Variants in SLCO4C1 observed in about 807,000 individuals in gnomAD.
SLCO4C1 encodes solute carrier organic anion transporter family member 4C1, also known as organic anion transporter M1.
SLCO4C1 carries 58 observed loss-of-function variants against 72.1 expected under a neutral mutation model. That is an observed-to-expected ratio of 0.80 (90% CI 0.65 to 1.00). SLCO4C1 has a LOEUF of 1.00. Among genes scored for constraint, SLCO4C1 ranks in the 50% least tolerant of loss-of-function variants. The pLI, the probability that SLCO4C1 is intolerant of heterozygous loss-of-function variation, is 0.00. For synonymous variants in SLCO4C1, 297 were observed against 312.5 expected (o/e 0.95, Z 0.52); for missense variants, 898 against 857.9 (o/e 1.05, Z -0.58).
chr5:102,296,090 G>A lies in SLCO4C1; in HGVS notation c.173C>T (p.Ser58Leu). 1.2e-6 allele frequency: 2 copies of A among 1,614,204 alleles called. No individual in the cohort carries two copies. The highest frequency in any genetic ancestry group is 1.7e-6 in the Non-Finnish European group (2 of 1,180,012). Reference protein sequence around the residue: ...ELQKPQEPQKSPEPSLPSAPP... With the variant: ...ELQKPQEPQKLPEPSLPSAPP... The stretch of plus-strand genomic sequence containing the variant: ...GGCTGAAGGCAGAGATGGCTCTGGT[G>A]ACTTCTGGGGCTCCTGGGGCTTCTG... Residue 58 changes from serine to leucine, a missense_variant, in exon 1 of 13, where the codon TCA (serine) becomes TTA (leucine). By Grantham distance (145) the Ser-to-Leu change is moderately radical. Transcript: ENST00000310954.
intron 8 of SLCO4C1, among the ~76,000 whole-genome samples, chr5:102,250,813 A>G (rs1345532663): frequency 6.6e-6 from 1 of 151,544 alleles, no homozygotes; most frequent in Non-Finnish European, 1.5e-5. Flanking sequence ...ACATGATGAA[A>G]CTCATCTCTA....
chr5:102,276,462 A>G (rs1204701153), intron 2 of SLCO4C1, among the ~76,000 whole-genome samples: 1 of 152,226 alleles, frequency 6.6e-6, no homozygotes, highest in Non-Finnish European at 1.5e-5. Flanking sequence ...TTCTCTTTCT[A>G]TAGTTGGTCA....
rs779765029 is a variant in SLCO4C1 at position 102,261,930 on chromosome 5, A to C, written c.1003T>G (p.Phe335Val). The change falls in exon 5 of 13, where the codon TTT becomes GTT. Residue 335 changes from phenylalanine (F) to valine (V), a missense_variant. Transcript: ENST00000310954. ...TGTTTACCTGGTAAATGTTTTGGAA[A>C]GCAAGAAAAAGGTATTATTAAAGAC... ...AWSLIIPFSC[F>V]PKHLPGTAEI... The C allele has an allele frequency of 1.9e-6, 3 of 1,611,562 alleles. No homozygotes were observed. In the South Asian group the frequency reaches 3.3e-5, roughly 18 times the overall value.
chr5:102,265,034 AT>A (rs1239810738), intron 3 of SLCO4C1, among the ~76,000 whole-genome samples: 1 of 151,960 alleles, frequency 6.6e-6, no homozygotes, highest in African/African-American at 2.4e-5. Flanking sequence ...GTTGACGAAT[AT>A]TTAGCTTGAT....
In SLCO4C1 at chr5:102,260,332, T is replaced by C. The variant is rs566813910; in HGVS notation, c.1022-13A>G. The C allele has an allele frequency of 1.2e-4, 2 of 17,124 alleles. No individual in the cohort carries two copies. Among genetic ancestry groups the C allele is most frequent in the Non-Finnish European group, 1.7e-4 (2 of 11,638 alleles). The allele number at this position is 17,124 out of a possible 1,614,324, so 1.1% of individuals were successfully genotyped here. On this transcript the variant is annotated splice_polypyrimidine_tract_variant and intron_variant, in intron 5 of 12. Coordinates refer to ENST00000310954, the MANE Select transcript of SLCO4C1 (RefSeq NM_180991.5). ...ATTTCTGCTGTACCTAAAAAAAAAA[T>C]ATATATATATATATAATATATATAT...
chr5:102,248,614 C>T (rs1221806385), intron 9 of SLCO4C1, among the ~76,000 whole-genome samples: 2 of 152,048 alleles, frequency 1.3e-5, no homozygotes, highest in Admixed American at 6.6e-5. Context: ...TCATAATCTG[C>T]TTCTAATCAA....
chr5:102,277,706 C>G (rs551719353), intron 2 of SLCO4C1, among the ~76,000 whole-genome samples: 2 of 148,836 alleles, frequency 1.3e-5, no homozygotes, highest in East Asian at 4.0e-4. Context: ...TAAGGCCTCA[C>G]CCACCCCCAC....
intron 10 of SLCO4C1, among the ~76,000 whole-genome samples, chr5:102,245,188 GTTTGT>G (rs201065832): frequency 0.013 from 1,902 of 152,134 alleles, 41 homozygotes; most frequent in African/African-American, 0.044. Context: ...CTTTTTACTT[GTTTGT>G]TTTATCAATA....
At chr5:102,295,855 G>A (rs1749639874) in intron 1 of SLCO4C1, 53 bp downstream of exon 1, 3 of 1,523,062 alleles carry the variant, frequency 2.0e-6, no homozygotes, top group Non-Finnish European at 1.8e-6. Flanking sequence ...CTGGCTCGCC[G>A]TGCCCACCTC....
At chr5:102,285,235 A>ACACG (rs1221480043) in intron 2 of SLCO4C1, among the ~76,000 whole-genome samples, 2 of 151,602 alleles carry the variant, frequency 1.3e-5, no homozygotes, top group African/African-American at 4.9e-5. Flanking sequence ...ACACACACAC[A>ACACG]CACAAATATA....
intron 8 of SLCO4C1, among the ~76,000 whole-genome samples, chr5:102,252,857 A>C (rs1748766810): frequency 6.6e-6 from 1 of 152,156 alleles, no homozygotes; most frequent in Non-Finnish European, 1.5e-5. Context: ...ATACATATTT[A>C]AAAATATTAA....
intron 2 of SLCO4C1, among the ~76,000 whole-genome samples, chr5:102,281,559 C>G (rs1296777295): frequency 6.6e-6 from 1 of 151,994 alleles, no homozygotes. Context: ...AGACCTAGTA[C>G]TCGGAAAACA....
At chr5:102,274,611 A>T (rs74700683) in intron 2 of SLCO4C1, among the ~76,000 whole-genome samples, 7,604 of 152,188 alleles carry the variant, frequency 0.05, 587 homozygotes, top group African/African-American at 0.16. Flanking sequence ...TTCCCCAGCC[A>T]CACATTTGAT....
intron 1 of SLCO4C1, 149 bp from the exon 2 acceptor site, chr5:102,291,755 C>A: frequency 2.0e-6 from 1 of 500,204 alleles, no homozygotes; most frequent in Admixed American, 4.3e-5. Flanking sequence ...AGTTAGGCAA[C>A]CTAAACATAT....
intron 8 of SLCO4C1, among the ~76,000 whole-genome samples, chr5:102,250,885 G>T (rs183373588): frequency 6.6e-6 from 1 of 152,074 alleles, no homozygotes; most frequent in African/African-American, 2.4e-5. Flanking sequence ...TTCTCGGGAG[G>T]CTGAGGCAGG....
rs542036624 is a variant in SLCO4C1 at position 102,248,887 on chromosome 5, T to C, written c.1620+751A>G. Among the ~76,000 whole-genome samples, 7 of 152,252 alleles carry C rather than the reference T, an allele frequency of 4.6e-5. No homozygotes were observed. In the South Asian group the frequency reaches 8.3e-4, roughly 18 times the overall value. ...GTTTCTAAGATATAGTACAGTAAAA[T>C]TGTACTGAGTTCTTTTAAACTATTT... On this transcript the variant is annotated intron_variant, in intron 9 of 12. Transcript: ENST00000310954.
intron 2 of SLCO4C1, among the ~76,000 whole-genome samples, chr5:102,290,787 A>T (rs1466892699): frequency 6.6e-6 from 1 of 152,194 alleles, no homozygotes; most frequent in East Asian, 1.9e-4. Context: ...GGGAAAAAAT[A>T]TGTATATAAT....
At chr5:102,273,764 A>G (rs1466396100) in intron 2 of SLCO4C1, among the ~76,000 whole-genome samples, 5 of 152,220 alleles carry the variant, frequency 3.3e-5, no homozygotes, top group Admixed American at 1.3e-4. Flanking sequence ...CCTTAAGATA[A>G]TCAGAAGCAA....
chr5:102,235,293 A>C lies in SLCO4C1; in HGVS notation c.*1565T>G, dbSNP rs1346555930. On this transcript the variant is annotated 3_prime_UTR_variant, in exon 13 of 13. Coordinates refer to ENST00000310954, the MANE Select transcript of SLCO4C1 (RefSeq NM_180991.5). ...CTTGTGGAAAATTAACCTAGGAGAA[A>C]GCTTATAGGGGAAACCTGATGATGA... 1 of 152,212 alleles carries C rather than the reference A, an allele frequency of 6.6e-6. No individual in the cohort carries two copies. Among genetic ancestry groups the C allele is most frequent in the Non-Finnish European group, 1.5e-5 (1 of 68,040 alleles). The allele number at this position is 152,212 out of a possible 1,614,324, so 9.4% of individuals were successfully genotyped here.
Sources: gnomAD v4.1 joint callset for allele counts (sites outside exome capture counted in the v4.1 genomes callset) on GRCh38, gnomAD v4.1.1 for gene constraint, MANE v1.5 for transcripts, NCBI Gene and HGNC (gene_info 2026-07-23, HGNC 2026-07-21) for gene names.